The following PRSS12 variants were observed in gnomAD, a reference collection of about 807,000 sequenced individuals.
PRSS12 encodes serine protease 12, also known as neurotrypsin.
Under a neutral mutation model 104.4 loss-of-function variants are expected in PRSS12, and 85 were observed. The ratio of observed to expected loss-of-function variants is 0.81; its 90% CI spans 0.68 to 0.98. PRSS12 has a LOEUF of 0.98. Among genes scored for constraint, PRSS12 ranks in the 50% least tolerant of loss-of-function variants. The pLI is 0.00. For synonymous variants in PRSS12, 454 were observed against 425.2 expected (o/e 1.07, Z -0.83); for missense variants, 1,141 against 1,139.2 (o/e 1.00, Z -0.02).
At chr4:118,290,408 T>C (rs940388560) in intron 11 of PRSS12, among the ~76,000 whole-genome samples, 5 of 152,188 alleles carry the variant, frequency 3.3e-5, no homozygotes, top group Non-Finnish European at 5.9e-5. Flanking sequence ...ACAGATTATT[T>C]TGCTTAAATT....
At chr4:118,325,744 C>G (rs746510257) in intron 4 of PRSS12, among the ~76,000 whole-genome samples, 15 of 152,076 alleles carry the variant, frequency 9.9e-5, no homozygotes, top group Non-Finnish European at 1.9e-4. Context: ...CTCTGTCCTT[C>G]ATGGAAATTA....
chr4:118,313,298 C>A lies in PRSS12; in HGVS notation c.1392G>T (p.Gln464His). 4 of 1,614,102 alleles carry A rather than the reference C, an allele frequency of 2.5e-6. No individual in the cohort carries two copies. The highest frequency in any genetic ancestry group is 3.4e-6 in the Non-Finnish European group (4 of 1,179,996). ...GCCTTCCCCACTGTCGCCTGGAACA[C>A]TGAAGAAATCTGGTTTCCTTTCCTG... ...SCSGKETRFLQCSRRQWGRHD... is the reference protein window; with the variant it reads ...SCSGKETRFLHCSRRQWGRHD... Residue 464 changes from glutamine to histidine, a missense_variant, in exon 7 of 13, where the codon CAG becomes CAT. Gln to His is a conservative substitution (Grantham distance 24, BLOSUM62 0). Transcript: ENST00000296498.
At chr4:118,335,345 T>C in intron 3 of PRSS12, 128 bp downstream of exon 3, 7 of 1,104,528 alleles carry the variant, frequency 6.3e-6, no homozygotes, top group Non-Finnish European at 8.9e-6. Flanking sequence ...GTAAAATATT[T>C]TGACTCAGAC....
At chr4:118,302,510 T>A (rs1283565386) in intron 8 of PRSS12, among the ~76,000 whole-genome samples, 1 of 152,088 alleles carries the variant, frequency 6.6e-6, no homozygotes, top group African/African-American at 2.4e-5. Context: ...TACCGCAACC[T>A]CTCCCTTCTT....
At chr4:118,306,540 G>A (rs1166002059) in intron 8 of PRSS12, among the ~76,000 whole-genome samples, 1 of 151,988 alleles carries the variant, frequency 6.6e-6, no homozygotes, top group African/African-American at 2.4e-5. Flanking sequence ...AAGCGGGGTG[G>A]GAGGGTGCCA....
At chr4:118,317,961 T>C (rs1009486735) in intron 5 of PRSS12, among the ~76,000 whole-genome samples, 5 of 152,208 alleles carry the variant, frequency 3.3e-5, no homozygotes, top group African/African-American at 1.2e-4. Context: ...CAAAGTTAAC[T>C]TGGTTTCTTT....
chr4:118,315,180 T>A (rs1229844492), intron 6 of PRSS12, among the ~76,000 whole-genome samples: 2 of 152,112 alleles, frequency 1.3e-5, no homozygotes, highest in East Asian at 3.9e-4. Context: ...ATTCTGTGGA[T>A]ATTGTTTTCA....
At chr4:118,302,670 G>T (rs1031487491) in intron 8 of PRSS12, among the ~76,000 whole-genome samples, 1 of 152,134 alleles carries the variant, frequency 6.6e-6, no homozygotes, top group East Asian at 1.9e-4. Flanking sequence ...CGAGAGATCT[G>T]CCCGCCGCGG....
intron 8 of PRSS12, among the ~76,000 whole-genome samples, chr4:118,307,639 G>A (rs1290048168): frequency 7.2e-5 from 11 of 152,074 alleles, no homozygotes; most frequent in Admixed American, 7.2e-4. Context: ...AAATTACCCA[G>A]CTGAGGTCTA....
intron 4 of PRSS12, among the ~76,000 whole-genome samples, chr4:118,329,575 C>G (rs1723866247): frequency 6.6e-6 from 1 of 152,030 alleles, no homozygotes; most frequent in Non-Finnish European, 1.5e-5. Flanking sequence ...AATAGAAGTT[C>G]CAGATGGAGG....
At chr4:118,283,239 T>C in intron 11 of PRSS12, 128 bp from the exon 12 acceptor site, 2 of 1,184,342 alleles carry the variant, frequency 1.7e-6, no homozygotes, top group Non-Finnish European at 2.5e-6. Flanking sequence ...TCAACCTTTC[T>C]TTCCATTTAT....
At chr4:118,289,600 G>A (rs1196172574) in intron 11 of PRSS12, among the ~76,000 whole-genome samples, 1 of 152,176 alleles carries the variant, frequency 6.6e-6, no homozygotes, top group Admixed American at 6.5e-5. Context: ...ATGATGAAAG[G>A]AGGATTTGTT....
In PRSS12 at chr4:118,338,159, G is replaced by GCTA; in HGVS notation, c.641+16_641+17insTAG. 6.2e-7 allele frequency: 1 copy of GCTA among 1,613,920 alleles called. No individual in the cohort carries two copies. The highest frequency in any genetic ancestry group is 8.5e-7 in the Non-Finnish European group (1 of 1,179,866). ...AAATACTAGCTGACTGATTTGGTCA[G>GCTA]GGATGGGTACACTCACCCCAGCTGC... On this transcript the variant is annotated intron_variant, in intron 2 of 12. Transcript: ENST00000296498.
intron 7 of PRSS12, among the ~76,000 whole-genome samples, chr4:118,312,753 G>A (rs373982808): frequency 8.5e-5 from 13 of 152,122 alleles, no homozygotes; most frequent in East Asian, 5.8e-4. Flanking sequence ...GATGGTTGGT[G>A]ACCAACGAAC....
rs1197514475 is a variant in PRSS12, at chr4:118,331,774, A to G, written c.913T>C (p.Cys305Arg). 1.2e-6 allele frequency: 2 copies of G among 1,614,188 alleles called. No homozygotes were observed. The highest frequency in any genetic ancestry group is 1.7e-6 in the Non-Finnish European group (2 of 1,180,028). ...LYHAGQWGTV[C>R]DDQWDDADAE... The stretch of plus-strand genomic sequence containing the variant: ...TCGGCATCATCCCATTGGTCATCAC[A>G]AACGGTTCCCCACTGGCCAGCATGG... The change falls in exon 4 of 13, where the codon TGT (cysteine) becomes CGT (arginine). Residue 305 changes from cysteine (C) to arginine (R), a missense_variant. By Grantham distance (180) the Cys-to-Arg change is radical. Transcript: ENST00000296498.
chr4:118,324,806 G>A lies in PRSS12; in HGVS notation c.972-6250C>T, dbSNP rs758421061. On this transcript the variant is annotated intron_variant, in intron 4 of 12. Coordinates refer to ENST00000296498, the MANE Select transcript of PRSS12 (RefSeq NM_003619.4). ...CAGCTCACTGCAATCTCTGCCTCCC[G>A]GGTTCAAGCGATTCTCCTGCCTCAA... Among the ~76,000 whole-genome samples, 17 of 151,920 alleles carry A rather than the reference G, an allele frequency of 1.1e-4. 1 individual carries two copies. The highest frequency in any genetic ancestry group is 1.9e-4 in the Non-Finnish European group (13 of 67,928).
chr4:118,333,934 C>T lies in PRSS12; in HGVS notation c.820+1539G>A, dbSNP rs1380901872. ...CATATTTAGCTTATAGATAATTAAA[C>T]TCCCCACGTTTTCATTTAGATTGCT... On this transcript the variant is annotated intron_variant, in intron 3 of 12. Coordinates refer to ENST00000296498, the MANE Select transcript of PRSS12 (RefSeq NM_003619.4). 2.0e-5 allele frequency among the ~76,000 whole-genome samples: 3 copies of T among 152,178 alleles called. No individual in the cohort carries two copies. The South Asian group carries it at 6.2e-4, about 31-fold the overall frequency.
Position 118,313,348 on chromosome 4 carries a change from TG to T in PRSS12, c.1341del (p.Ile448TyrfsTer55). 1 of 1,614,134 alleles carries T rather than the reference TG, an allele frequency of 6.2e-7. No homozygotes were observed. The highest frequency in any genetic ancestry group is 1.3e-5 in the African/African-American group (1 of 75,028). Reference sequence around the variant, plus strand: ...GAGCAGCTGACGTCATCCAACCATATGGGCCCTGTGCTTTCTTCAAAATGGT... The same window carrying T: ...GAGCAGCTGACGTCATCCAACCATATGGCCCTGTGCTTTCTTCAAAATGGT... ...SANHFEESTGPIWLDDVSCSG... is the reference protein window; with the variant it reads ...SANHFEESTGXIWLDDVSCSG... On this transcript the variant is annotated frameshift_variant, in exon 7 of 13. Coordinates refer to ENST00000296498, the MANE Select transcript of PRSS12 (RefSeq NM_003619.4). LOFTEE classifies it high-confidence loss of function.
intron 4 of PRSS12, among the ~76,000 whole-genome samples, chr4:118,323,558 A>T (rs1303688214): frequency 6.6e-6 from 1 of 151,896 alleles, no homozygotes; most frequent in Non-Finnish European, 1.5e-5. Context: ...AAGAAAACTA[A>T]AAAGTTACTA....
Sources: allele counts gnomAD v4.1 joint callset (sites outside exome capture counted in the v4.1 genomes callset), GRCh38; gene constraint gnomAD v4.1.1; transcripts MANE v1.5; gene names NCBI Gene and HGNC (gene_info 2026-07-23, HGNC 2026-07-21).